The following GRID2 variants were observed in gnomAD, a reference collection of about 807,000 sequenced individuals.
The protein encoded by GRID2 is glutamate ionotropic receptor delta type subunit 2.
GRID2 carries 33 observed loss-of-function variants against 114.8 expected under a neutral mutation model. That is an observed-to-expected ratio of 0.29 (90% confidence interval 0.22 to 0.38). GRID2 has a LOEUF of 0.38. Ranked by LOEUF, GRID2 falls within the 10% of genes least tolerant of loss-of-function variation. The pLI, the probability that GRID2 is intolerant of heterozygous loss-of-function variation, is 1.00. For missense variants in GRID2, 1,184 were observed against 1,257.7 expected, an observed-to-expected ratio of 0.94 and a Z score of 0.89; for synonymous variants, 505 against 449.9, an observed-to-expected ratio of 1.12 and a Z score of -1.55.
Position 93,131,882 on chromosome 4 carries a change from G to A in GRID2, c.735+20929G>A, listed in dbSNP as rs183747724. Among the ~76,000 whole-genome samples the A allele has an allele frequency of 9.9e-5, 15 of 152,206 alleles. No homozygotes were observed. The East Asian group carries it at 2.1e-3, about 22-fold the overall frequency. ...TGTATACAACTAGCACTATAGAGCCGTTATCTAGGAACATCTGTTAGTTGC... is the reference window on the plus strand; with the variant it reads ...TGTATACAACTAGCACTATAGAGCCATTATCTAGGAACATCTGTTAGTTGC... On this transcript the variant is annotated intron_variant, in intron 4 of 15. Transcript: ENST00000282020.
intron 13 of GRID2, among the ~76,000 whole-genome samples, chr4:93,574,082 C>A (rs1262625940): frequency 2.0e-5 from 3 of 152,040 alleles, no homozygotes; most frequent in African/African-American, 7.2e-5. Context: ...TTGTATTTTC[C>A]ATTTCAACAT....
chr4:93,066,304 A>C (rs1468804539), intron 2 of GRID2, among the ~76,000 whole-genome samples: 1 of 151,994 alleles, frequency 6.6e-6, no homozygotes, highest in Non-Finnish European at 1.5e-5. Flanking sequence ...TCATCTCATT[A>C]CTATTAAACC....
chr4:92,473,390 A>G (rs944739633), intron 1 of GRID2, among the ~76,000 whole-genome samples: 2 of 151,996 alleles, frequency 1.3e-5, no homozygotes, highest in Non-Finnish European at 2.9e-5. Flanking sequence ...TTATTTTTTC[A>G]CTTTTTAATG....
intron 1 of GRID2, among the ~76,000 whole-genome samples, chr4:92,513,699 G>T (rs1427318553): frequency 1.3e-5 from 2 of 151,772 alleles, no homozygotes; most frequent in African/African-American, 4.8e-5. Flanking sequence ...TAGAGATCCT[G>T]CCTGCTTTCA....
intron 2 of GRID2, among the ~76,000 whole-genome samples, chr4:92,704,577 A>C (rs1734847640): frequency 6.6e-6 from 1 of 152,214 alleles, no homozygotes. Flanking sequence ...TTTGTCTTTA[A>C]AATTATCATA....
chr4:92,818,907 A>C (rs1369168), intron 2 of GRID2, among the ~76,000 whole-genome samples: 1 of 152,102 alleles, frequency 6.6e-6, no homozygotes, highest in East Asian at 1.9e-4. Flanking sequence ...TATCTGCTTG[A>C]TATACCCTTC....
intron 2 of GRID2, among the ~76,000 whole-genome samples, chr4:92,990,281 G>GTA (rs1424772351): frequency 4.4e-4 from 22 of 50,172 alleles, no homozygotes; most frequent in African/African-American, 1.3e-3. Context: ...ACGTAGATAT[G>GTA]TGTGTGTATA....
intron 1 of GRID2, among the ~76,000 whole-genome samples, chr4:92,514,489 T>G (rs912118110): frequency 1.3e-5 from 2 of 151,918 alleles, no homozygotes; most frequent in African/African-American, 4.8e-5. Flanking sequence ...AAAGAAAGTC[T>G]GCTATTTCCA....
chr4:93,077,898 T>G (rs1729478930), intron 2 of GRID2, among the ~76,000 whole-genome samples: 1 of 152,206 alleles, frequency 6.6e-6, no homozygotes, highest in Non-Finnish European at 1.5e-5. Context: ...TTTTAAAATT[T>G]CTGAAAAGCT....
At chr4:92,860,933 C>T (rs1473226125) in intron 2 of GRID2, among the ~76,000 whole-genome samples, 17 of 151,990 alleles carry the variant, frequency 1.1e-4, no homozygotes, top group Admixed American at 1.1e-3. Flanking sequence ...GTGTGTGGGG[C>T]AGGGAGTAGA....
intron 14 of GRID2, among the ~76,000 whole-genome samples, chr4:93,659,882 A>G (rs1723333702): frequency 6.6e-6 from 1 of 151,120 alleles, no homozygotes; most frequent in Non-Finnish European, 1.5e-5. Flanking sequence ...ATCATTTTCA[A>G]TTAAGGTTTT....
intron 2 of GRID2, among the ~76,000 whole-genome samples, chr4:93,033,563 A>G (rs558447249): frequency 6.6e-6 from 1 of 152,178 alleles, no homozygotes; most frequent in East Asian, 1.9e-4. Context: ...TGATCTTAGG[A>G]GGTCTAGCTA....
At chr4:93,526,646 T>C (rs755407173) in intron 13 of GRID2, among the ~76,000 whole-genome samples, 97 of 151,948 alleles carry the variant, frequency 6.4e-4, no homozygotes, top group Non-Finnish European at 1.0e-3. Context: ...CCCGTCTCTA[T>C]TAAAAATATA....
chr4:93,784,334 T>G (rs1241384982), intron 1 of GRID2, among the ~76,000 whole-genome samples: 1 of 152,048 alleles, frequency 6.6e-6, no homozygotes, highest in East Asian at 1.9e-4. Context: ...TTCTGTGGTA[T>G]TTCTATGGCC....
At chr4:93,268,508 C>T (rs1751101216) in intron 8 of GRID2, among the ~76,000 whole-genome samples, 1 of 152,104 alleles carries the variant, frequency 6.6e-6, no homozygotes. Context: ...AGGGTAAGGA[C>T]TCTGTTAGGA....
At position 92,422,999 on chromosome 4, in the gene GRID2, G is replaced by A. The variant is rs534643954; in HGVS notation, c.88+118255G>A. Among the ~76,000 whole-genome samples the A allele has an allele frequency of 7.2e-5, 11 of 152,214 alleles. No individual in the cohort carries two copies. In the South Asian group the frequency reaches 2.1e-3, roughly 29 times the overall value. Reference sequence around the variant, plus strand: ...CTGTCTCAGTCATAATTTTGCAAAGGCAGTTTCAATCCCTCCCTTTGGGTT... The same window carrying A: ...CTGTCTCAGTCATAATTTTGCAAAGACAGTTTCAATCCCTCCCTTTGGGTT... On this transcript the variant is annotated intron_variant, in intron 1 of 15. Transcript: ENST00000282020.
chr4:92,370,812 G>A (rs1729082456), intron 1 of GRID2, among the ~76,000 whole-genome samples: 1 of 152,136 alleles, frequency 6.6e-6, no homozygotes, highest in Admixed American at 6.6e-5. Context: ...CTTCATGAAG[G>A]TAGAAAGTAG....
chr4:93,031,749 T>A (rs574728237), intron 2 of GRID2, among the ~76,000 whole-genome samples: 1 of 152,236 alleles, frequency 6.6e-6, no homozygotes, highest in Non-Finnish European at 1.5e-5. Context: ...TAAACCTTTT[T>A]TTTTTTTTAA....
intron 8 of GRID2, among the ~76,000 whole-genome samples, chr4:93,295,558 A>G (rs1480159706): frequency 2.0e-5 from 3 of 152,098 alleles, no homozygotes; most frequent in Admixed American, 2.0e-4. Context: ...TGAAGGATAC[A>G]GTCCACAAGT....
Sources: allele counts gnomAD v4.1 joint callset (sites outside exome capture counted in the v4.1 genomes callset), GRCh38; gene constraint gnomAD v4.1.1; transcripts MANE v1.5; gene names NCBI Gene and HGNC (gene_info 2026-07-23, HGNC 2026-07-21).